Variants in HIVEP3 observed in about 807,000 individuals in gnomAD.
HIVEP3 encodes transcription factor HIVEP3.
Under a neutral mutation model 152.8 loss-of-function variants are expected in HIVEP3, and 49 were observed. That is an observed-to-expected ratio of 0.32 (90% CI 0.26 to 0.41). HIVEP3 has a LOEUF of 0.41. Among genes scored for constraint, HIVEP3 ranks in the 10% least tolerant of loss-of-function variants. The pLI, the probability that HIVEP3 is intolerant of heterozygous loss-of-function variation, is 1.00. For missense variants in HIVEP3, 2,790 were observed against 3,103.3 expected (o/e 0.90, Z 2.40); for synonymous variants, 1,269 against 1,289.0 (o/e 0.98, Z 0.33).
chr1:41,513,146 A>T lies in HIVEP3; in HGVS notation c.6075T>A (p.Pro2025=), dbSNP rs148530621. 2.5e-6 allele frequency: 4 copies of T among 1,613,784 alleles called. No homozygotes were observed. Among genetic ancestry groups the T allele is most frequent in the Non-Finnish European group, 3.4e-6 (4 of 1,179,964 alleles). ...ACAGCTGAAGTCTTGGAGACCCACA[A>T]GGGAGAGCGCCCATGCCCCTTCCTG... ...VDPGRGMGAL[P]CGSPRLQLSP... is the part of the protein sequence containing the mutation. The change falls in exon 8 of 9, where the codon CCT becomes CCA. Residue 2025 remains proline, a synonymous_variant. Transcript: ENST00000372583.
chr1:42,020,685 T>C (rs1171388688), intron 1 of HIVEP3, among the ~76,000 whole-genome samples: 1 of 152,204 alleles, frequency 6.6e-6, no homozygotes, highest in African/African-American at 2.4e-5. Flanking sequence ...CCAGGCATTA[T>C]TCCAATGTTA....
chr1:41,690,293 T>C (rs868518942), intron 2 of HIVEP3, among the ~76,000 whole-genome samples: 2 of 152,228 alleles, frequency 1.3e-5, no homozygotes, highest in Non-Finnish European at 2.9e-5. Context: ...CTGAGCCTTG[T>C]CTGAGAAACA....
At chr1:41,993,408 A>C (rs1161338092) in intron 1 of HIVEP3, among the ~76,000 whole-genome samples, 1 of 150,402 alleles carries the variant, frequency 6.6e-6, no homozygotes, top group Admixed American at 6.6e-5. Flanking sequence ...AATGCTCATC[A>C]TCACTGGCCA....
intron 2 of HIVEP3, among the ~76,000 whole-genome samples, chr1:41,668,586 A>G (rs1645829953): frequency 1.3e-5 from 2 of 152,132 alleles, no homozygotes; most frequent in African/African-American, 4.8e-5. Context: ...TGGATACTCC[A>G]CTTTTCCCCA....
intron 1 of HIVEP3, among the ~76,000 whole-genome samples, chr1:41,953,641 T>C (rs557892806): frequency 1.3e-5 from 2 of 152,158 alleles, no homozygotes; most frequent in Admixed American, 6.5e-5. Context: ...GAGAAATGAA[T>C]GAATGAGTAC....
At chr1:41,757,091 A>AATAATTATTATT (rs1553256809) in intron 1 of HIVEP3, among the ~76,000 whole-genome samples, 1 of 136,540 alleles carries the variant, frequency 7.3e-6, no homozygotes, top group African/African-American at 2.8e-5. Flanking sequence ...GTCTCTAAAA[A>AATAATTATTATT]ATTATTATTA....
chr1:41,708,053 G>A (rs1646459963), intron 1 of HIVEP3, among the ~76,000 whole-genome samples: 1 of 152,190 alleles, frequency 6.6e-6, no homozygotes, highest in African/African-American at 2.4e-5. Context: ...GAGTGACTGG[G>A]AGATGCCAGG....
chr1:41,996,230 TA>T (rs113546918), intron 1 of HIVEP3, among the ~76,000 whole-genome samples: 3,066 of 148,486 alleles, frequency 0.021, 88 homozygotes, highest in African/African-American at 0.071. Context: ...TTATTTCTAT[TA>T]AAAAAAAAAT....
Position 41,584,275 on chromosome 1 carries a change from G to A in HIVEP3, c.523C>T (p.Pro175Ser). ...TCCTTCTTGTGTGCCTCTTCTGTGG[G>A]CTTCAAGGAGACCTGGGAAGGACGA... ...VPRPSQVSLK[P>S]TEEAHKKERK... The change falls in exon 4 of 9, where the codon CCC (proline) becomes TCC (serine). Residue 175 changes from proline (P) to serine (S), a missense_variant. This residue lies in a region of HIVEP3 where 209 missense variants were observed against 237.0 expected (regional missense o/e 0.88). Coordinates refer to ENST00000372583, the MANE Select transcript of HIVEP3 (RefSeq NM_024503.5). The surrounding 1 kb of genome is among the most constrained non-coding windows in gnomAD (Gnocchi z 5.2). 2.5e-6 allele frequency: 4 copies of A among 1,613,758 alleles called. No homozygotes were observed. The highest frequency in any genetic ancestry group is 1.1e-5 in the South Asian group (1 of 91,028).
chr1:41,901,083 G>A (rs1644613884), intron 1 of HIVEP3, among the ~76,000 whole-genome samples: 1 of 151,798 alleles, frequency 6.6e-6, no homozygotes, highest in Non-Finnish European at 1.5e-5. Context: ...TCGTCCTTAG[G>A]AGGAGGAATG....
At chr1:41,789,960 T>A (rs569186470) in intron 1 of HIVEP3, among the ~76,000 whole-genome samples, 3 of 152,184 alleles carry the variant, frequency 2.0e-5, no homozygotes, top group Non-Finnish European at 2.9e-5. Flanking sequence ...AACACCCAGG[T>A]CAAATCCTCT....
At chr1:41,631,109 A>G (rs558631710) in intron 2 of HIVEP3, among the ~76,000 whole-genome samples, 8 of 152,178 alleles carry the variant, frequency 5.3e-5, no homozygotes, top group Non-Finnish European at 1.0e-4. Flanking sequence ...TAGAAAGCCG[A>G]AGTTGTTTCA....
intron 3 of HIVEP3, among the ~76,000 whole-genome samples, chr1:41,594,501 T>C (rs1362822791): frequency 6.6e-6 from 1 of 152,202 alleles, no homozygotes; most frequent in African/African-American, 2.4e-5. Flanking sequence ...GGATTACAGG[T>C]GTGAGCCACC....
intron 1 of HIVEP3, among the ~76,000 whole-genome samples, chr1:41,812,092 C>G (rs1327750223): frequency 6.6e-6 from 1 of 152,204 alleles, no homozygotes; most frequent in East Asian, 1.9e-4. Flanking sequence ...TCATTAATCT[C>G]TCTGCTGCTT....
intron 3 of HIVEP3, among the ~76,000 whole-genome samples, chr1:41,613,106 C>T (rs898557521): frequency 1.3e-5 from 2 of 152,218 alleles, no homozygotes; most frequent in Non-Finnish European, 2.9e-5. Flanking sequence ...CGGAGTCAGC[C>T]GCTAGGGGCT....
intron 1 of HIVEP3, among the ~76,000 whole-genome samples, chr1:41,896,333 C>T (rs766197062): frequency 6.6e-5 from 10 of 152,224 alleles, no homozygotes; most frequent in Admixed American, 5.9e-4. Flanking sequence ...CATTCCTCTT[C>T]TTCAGAAGTT....
chr1:41,727,479 G>A (rs1157887742), intron 1 of HIVEP3, among the ~76,000 whole-genome samples: 3 of 152,218 alleles, frequency 2.0e-5, no homozygotes, highest in Non-Finnish European at 4.4e-5. Flanking sequence ...GGGCTGGGGG[G>A]ACACTGCCAG....
chr1:41,982,835 G>C (rs757941092), intron 1 of HIVEP3, among the ~76,000 whole-genome samples: 2 of 152,246 alleles, frequency 1.3e-5, no homozygotes, highest in African/African-American at 2.4e-5. Context: ...GCCTGGTACA[G>C]AGTAGGTGCC....
At chr1:41,680,689 T>G (rs984020565) in intron 2 of HIVEP3, among the ~76,000 whole-genome samples, 1 of 152,224 alleles carries the variant, frequency 6.6e-6, no homozygotes, top group Non-Finnish European at 1.5e-5. Context: ...TCAACCGGCA[T>G]CAAGTTTCAG....
Sources: gnomAD v4.1 joint callset for allele counts (sites outside exome capture counted in the v4.1 genomes callset) on GRCh38, gnomAD v4.1.1 for gene constraint, gnomAD v4.1.1 regional missense constraint, Gnocchi (gnomAD v3.1) non-coding constraint, MANE v1.5 for transcripts, NCBI Gene and HGNC (gene_info 2026-07-23, HGNC 2026-07-21) for gene names.